The following KCNMA1 variants were observed in gnomAD, a reference collection of about 807,000 sequenced individuals.
The protein encoded by KCNMA1 is Calcium-activated potassium channel subunit alpha-1.
KCNMA1 carries 29 observed loss-of-function variants against 140.0 expected under a neutral mutation model. The observed-to-expected ratio is 0.21, with a 90% CI of 0.15 to 0.28. KCNMA1 has a LOEUF of 0.28. Ranked by LOEUF, KCNMA1 falls within the 10% of genes least tolerant of loss-of-function variation. The pLI is 1.00. For missense variants in KCNMA1, 880 were observed against 1,602.2 expected (o/e 0.55, Z 7.70); for synonymous variants, 612 against 611.9 (o/e 1.00, Z 0.00).
At chr10:76,916,846 G>T (rs2053139757) in intron 23 of KCNMA1, among the ~76,000 whole-genome samples, 1 of 152,112 alleles carries the variant, frequency 6.6e-6, no homozygotes, top group Admixed American at 6.6e-5. Flanking sequence ...ATATAAAAGG[G>T]TTTTCTTACT....
downstream of KCNMA1, among the ~76,000 whole-genome samples, chr10:76,880,861 C>A (rs1261931190): frequency 6.6e-6 from 1 of 152,206 alleles, no homozygotes; most frequent in East Asian, 1.9e-4. Flanking sequence ...GCTTTATTTT[C>A]ATCTCTAAGA....
chr10:77,108,120 G>A lies in KCNMA1; in HGVS notation c.1223+361C>T, dbSNP rs1052182210. Among the ~76,000 whole-genome samples, 2 of 152,096 alleles carry A rather than the reference G, an allele frequency of 1.3e-5. No homozygotes were observed. Among genetic ancestry groups the A allele is most frequent in the Non-Finnish European group, 2.9e-5 (2 of 68,022 alleles). Reference sequence around the variant, plus strand: ...TTTGTGAATGGGAGTTGGTCCAAGCGTGGCAACGTCCTCGGGTCACCTCTG... The same window carrying A: ...TTTGTGAATGGGAGTTGGTCCAAGCATGGCAACGTCCTCGGGTCACCTCTG... On this transcript the variant is annotated intron_variant, in intron 9 of 27. Coordinates refer to ENST00000286628, the MANE Select transcript of KCNMA1 (RefSeq NM_001161352.2). This position sits in a 1 kb window ranked among gnomAD's most constrained non-coding sequence, Gnocchi z 4.6.
At chr10:77,509,397 C>T (rs375239021) in intron 1 of KCNMA1, among the ~76,000 whole-genome samples, 7 of 152,208 alleles carry the variant, frequency 4.6e-5, no homozygotes, top group East Asian at 1.9e-4. Context: ...GGATTATAGG[C>T]GTGAGCCACC....
intron 19 of KCNMA1, among the ~76,000 whole-genome samples, chr10:76,989,345 C>T (rs536116917): frequency 1.3e-4 from 20 of 152,218 alleles, no homozygotes; most frequent in African/African-American, 4.3e-4. Context: ...TGATATACTA[C>T]GAGGTTTCTA....
chr10:77,096,661 C>T (rs796804205), intron 9 of KCNMA1, among the ~76,000 whole-genome samples: 3 of 152,264 alleles, frequency 2.0e-5, no homozygotes, highest in African/African-American at 7.2e-5. Flanking sequence ...TTAAAAAACC[C>T]AGAGCTATCT....
At chr10:77,035,762 C>A (rs1208458384) in intron 15 of KCNMA1, among the ~76,000 whole-genome samples, 1 of 152,076 alleles carries the variant, frequency 6.6e-6, no homozygotes. Flanking sequence ...CTATTATATT[C>A]AATGAGAAAG....
At chr10:77,149,912 G>A (rs1035258902) in intron 5 of KCNMA1, 4 of 152,080 alleles carry the variant, frequency 2.6e-5, no homozygotes, top group Admixed American at 6.6e-5. Context: ...AGAAGTCCTC[G>A]CAGCATATGA....
intron 3 of KCNMA1, among the ~76,000 whole-genome samples, chr10:77,186,759 T>C (rs2098860289): frequency 6.7e-6 from 1 of 148,512 alleles, no homozygotes; most frequent in Admixed American, 6.9e-5. Flanking sequence ...CTCTGCAGGA[T>C]ACGTTACTAA....
chr10:77,236,599 C>T (rs1352094553), intron 3 of KCNMA1, among the ~76,000 whole-genome samples: 3 of 152,204 alleles, frequency 2.0e-5, no homozygotes, highest in Admixed American at 6.5e-5. Context: ...GCTAGTGTTT[C>T]TTAAACGCTT....
intron 1 of KCNMA1, among the ~76,000 whole-genome samples, chr10:77,577,798 C>A (rs915473963): frequency 3.3e-5 from 5 of 152,162 alleles, no homozygotes; most frequent in African/African-American, 1.2e-4. Flanking sequence ...CTGGTGACAT[C>A]CCCCTGCCCC....
intron 1 of KCNMA1, among the ~76,000 whole-genome samples, chr10:77,522,319 C>T (rs1042855531): frequency 3.9e-5 from 6 of 152,068 alleles, no homozygotes; most frequent in Admixed American, 2.6e-4. Flanking sequence ...GCAATGGGGC[C>T]TGAGATGTGC....
intron 1 of KCNMA1, among the ~76,000 whole-genome samples, chr10:77,444,596 T>C (rs970809562): frequency 7.2e-5 from 11 of 152,198 alleles, no homozygotes; most frequent in Non-Finnish European, 1.5e-4. Context: ...TAAAATGCTA[T>C]AATGCCATGC....
chr10:77,037,690 C>T (rs2094426922), intron 15 of KCNMA1, among the ~76,000 whole-genome samples: 1 of 152,194 alleles, frequency 6.6e-6, no homozygotes, highest in Admixed American at 6.5e-5. Context: ...CCTGCTGACA[C>T]CCTCACCAAC....
At chr10:76,982,895 A>G (rs2080000416) in intron 19 of KCNMA1, among the ~76,000 whole-genome samples, 1 of 152,046 alleles carries the variant, frequency 6.6e-6, no homozygotes, top group African/African-American at 2.4e-5. Context: ...TGAAGTTCTC[A>G]TTTTTCTTTT....
chr10:77,145,741 G>A (rs2098276874), intron 5 of KCNMA1, among the ~76,000 whole-genome samples: 1 of 152,164 alleles, frequency 6.6e-6, no homozygotes, highest in South Asian at 2.1e-4. Context: ...CCTCAACCCT[G>A]TACAAAGTAA....
Position 77,184,734 on chromosome 10 carries a change from A to G in KCNMA1, c.696+89T>C, listed in dbSNP as rs1001958037. 23 of 858,638 alleles carry G rather than the reference A, an allele frequency of 2.7e-5. No homozygotes were observed. The East Asian group carries it at 5.6e-4, about 21-fold the overall frequency. The allele number at this position is 858,638 out of a possible 1,614,324, so 53.2% of individuals were successfully genotyped here. ...CGCTGTTTCTCCTGGAAATATCTTG[A>G]CTGCGAGAGCAGAGGCTGAGGGGGA... On this transcript the variant is annotated intron_variant, in intron 4 of 27. Coordinates refer to ENST00000286628, the MANE Select transcript of KCNMA1 (RefSeq NM_001161352.2).
intron 5 of KCNMA1, among the ~76,000 whole-genome samples, chr10:77,139,371 C>A (rs2098119453): frequency 6.6e-6 from 1 of 152,172 alleles, no homozygotes; most frequent in Non-Finnish European, 1.5e-5. Context: ...ATCTGGCCAG[C>A]TAATTCTAGG....
At chr10:77,613,849 T>C (rs2088115562) in intron 1 of KCNMA1, among the ~76,000 whole-genome samples, 1 of 152,156 alleles carries the variant, frequency 6.6e-6, no homozygotes, top group Non-Finnish European at 1.5e-5. Flanking sequence ...AAAATGAATT[T>C]GTCATTTTAT....
At chr10:76,988,374 A>G (rs532349956) in intron 19 of KCNMA1, among the ~76,000 whole-genome samples, 1 of 152,252 alleles carries the variant, frequency 6.6e-6, no homozygotes, top group African/African-American at 2.4e-5. Context: ...CTGGACCTCA[A>G]AGATATGGCC....
Sources: allele counts gnomAD v4.1 joint callset (sites outside exome capture counted in the v4.1 genomes callset), GRCh38; gene constraint gnomAD v4.1.1; non-coding constraint Gnocchi (gnomAD v3.1); transcripts MANE v1.5; gene names NCBI Gene and HGNC (gene_info 2026-07-23, HGNC 2026-07-21).